The following KLRD1 variants were observed in gnomAD, a reference collection of about 807,000 sequenced individuals.
KLRD1 encodes the protein killer cell lectin like receptor D1.
A neutral mutation model predicts 22.6 loss-of-function variants in KLRD1; 21 were observed. That is an observed-to-expected ratio of 0.93 (90% CI 0.66 to 1.34). The LOEUF (loss-of-function observed/expected upper bound fraction) is 1.34, where lower values mean the gene tolerates loss of function less well. Ranked by LOEUF, KLRD1 falls within the 40% of genes most tolerant of loss-of-function variation. KLRD1 has a pLI of 0.00. For synonymous variants in KLRD1, 59 were observed against 71.1 expected, an observed-to-expected ratio of 0.83 and a Z score of 0.85; for missense variants, 183 against 208.6, an observed-to-expected ratio of 0.88 and a Z score of 0.76.
chr12:10,324,818 G>GTGTGTA lies in KLRD1; in HGVS notation c.*10026_*10027insGTGTAT, dbSNP rs750696767. On this transcript the variant is annotated 3_prime_UTR_variant, in exon 6 of 6. Transcript: ENST00000336164. The stretch of plus-strand genomic sequence containing the variant: ...AGTATATATGTATATGTGTGTGTGT[G>GTGTGTA]TATATATATATATATATATATATAT... 2.6e-4 allele frequency: 19 copies of GTGTGTA among 74,154 alleles called. No homozygotes were observed. The highest frequency in any genetic ancestry group is 8.1e-4 in the African/African-American group (19 of 23,590). 4.6% of individuals were successfully genotyped at this position (74,154 alleles called of 1,614,324 possible).
At chr12:10,258,127 G>C (rs1949416872) in intron 1 of KLRD1, among the ~76,000 whole-genome samples, 1 of 152,134 alleles carries the variant, frequency 6.6e-6, no homozygotes, top group Admixed American at 6.5e-5. Context: ...ATGACCTGGT[G>C]AATCTAGCTT....
chr12:10,286,794 C>T (rs1565459960), intron 1 of KLRD1, among the ~76,000 whole-genome samples: 1 of 150,126 alleles, frequency 6.7e-6, no homozygotes, highest in Non-Finnish European at 1.5e-5. Flanking sequence ...CAGGCATGAG[C>T]CACCGCATCT....
intron 1 of KLRD1, among the ~76,000 whole-genome samples, chr12:10,294,319 G>C (rs111665536): frequency 2.6e-5 from 4 of 152,174 alleles, no homozygotes; most frequent in African/African-American, 4.8e-5. Context: ...AGTATGAAGA[G>C]GAGTTACCAG....
intron 1 of KLRD1, among the ~76,000 whole-genome samples, chr12:10,254,321 T>C (rs1565448912): frequency 6.8e-6 from 1 of 147,442 alleles, no homozygotes; most frequent in East Asian, 2.1e-4. Context: ...CCAGCTACTC[T>C]GGAGGCTGAG....
intron 1 of KLRD1, among the ~76,000 whole-genome samples, chr12:10,283,337 T>C (rs1949664328): frequency 6.6e-6 from 1 of 152,080 alleles, no homozygotes; most frequent in Non-Finnish European, 1.5e-5. Flanking sequence ...ATAGTCTAAT[T>C]CATAGAAGCA....
chr12:10,310,458 G>A (rs567062191), intron 3 of KLRD1, among the ~76,000 whole-genome samples: 3 of 152,190 alleles, frequency 2.0e-5, no homozygotes, highest in African/African-American at 7.2e-5. Flanking sequence ...TTCGGAATGC[G>A]CCCCAAGTTG....
At chr12:10,266,734 A>T (rs1439074368) in intron 1 of KLRD1, among the ~76,000 whole-genome samples, 1 of 151,942 alleles carries the variant, frequency 6.6e-6, no homozygotes, top group African/African-American at 2.4e-5. Flanking sequence ...TTATTTGTAC[A>T]CAGGTGCATA....
At chr12:10,264,591 G>A (rs1456954488) in intron 1 of KLRD1, among the ~76,000 whole-genome samples, 1 of 151,864 alleles carries the variant, frequency 6.6e-6, no homozygotes, top group East Asian at 1.9e-4. Context: ...TGTATATTTA[G>A]GGTGTACAAT....
intron 1 of KLRD1, among the ~76,000 whole-genome samples, chr12:10,243,762 A>G (rs947413929): frequency 6.6e-6 from 1 of 152,120 alleles, no homozygotes; most frequent in South Asian, 2.1e-4. Context: ...GTGCAAATAA[A>G]GGTGTTATAA....
In KLRD1 at chr12:10,286,441, G is replaced by C. The variant is rs117286980; in HGVS notation, c.-100-21537G>C. Among the ~76,000 whole-genome samples, 627 of 152,020 alleles carry C rather than the reference G, an allele frequency of 4.1e-3. 3 individuals are homozygous for C. Among genetic ancestry groups the C allele is most frequent in the Non-Finnish European group, 7.4e-3 (506 of 67,986 alleles). ...AATAAACTATTTAGTTGCATTTTAC[G>C]TTTTACACATGATGGAAAAGAATCT... is the stretch of plus-strand genomic sequence containing the variant. On this transcript the variant is annotated intron_variant, in intron 1 of 5. Coordinates refer to the KLRD1 transcript ENST00000544747.
chr12:10,250,874 G>T (rs1949340306), intron 1 of KLRD1, among the ~76,000 whole-genome samples: 1 of 152,100 alleles, frequency 6.6e-6, no homozygotes, highest in Non-Finnish European at 1.5e-5. Context: ...CAGACCAGGA[G>T]AAAGTCTCAG....
At chr12:10,254,889 C>T (rs888799786) in intron 1 of KLRD1, among the ~76,000 whole-genome samples, 4 of 142,708 alleles carry the variant, frequency 2.8e-5, no homozygotes, top group Non-Finnish European at 3.1e-5. Context: ...CGAGATCAGT[C>T]TCAAAAATAA....
At chr12:10,300,985 G>T (rs1207507477), upstream of KLRD1, among the ~76,000 whole-genome samples, 1 of 152,110 alleles carries the variant, frequency 6.6e-6, no homozygotes, top group African/African-American at 2.4e-5. Flanking sequence ...AAAAGAGTTA[G>T]GGTTCTAGAT....
intron 1 of KLRD1, among the ~76,000 whole-genome samples, chr12:10,250,588 G>A (rs1168694510): frequency 6.6e-6 from 1 of 151,972 alleles, no homozygotes; most frequent in Non-Finnish European, 1.5e-5. Context: ...CTCCAGAGCA[G>A]CTGGGACTAC....
chr12:10,280,686 A>G (rs1042068487), intron 1 of KLRD1, among the ~76,000 whole-genome samples: 15 of 152,020 alleles, frequency 9.9e-5, no homozygotes, highest in Non-Finnish European at 2.1e-4. Context: ...CCAATGGTTG[A>G]AAACAGACAG....
chr12:10,292,431 G>A (rs79291180), intron 1 of KLRD1, among the ~76,000 whole-genome samples: 5,365 of 152,198 alleles, frequency 0.035, 327 homozygotes, highest in African/African-American at 0.12. Flanking sequence ...ACGGACTGCC[G>A]AATGGATATT....
At chr12:10,264,848 T>G (rs1235602212) in intron 1 of KLRD1, among the ~76,000 whole-genome samples, 1 of 152,128 alleles carries the variant, frequency 6.6e-6, no homozygotes, top group Non-Finnish European at 1.5e-5. Flanking sequence ...CCGATATCTC[T>G]CCATTTCTTC....
At chr12:10,296,373 G>A (rs761043992) in intron 1 of KLRD1, among the ~76,000 whole-genome samples, 8 of 151,978 alleles carry the variant, frequency 5.3e-5, no homozygotes, top group Non-Finnish European at 5.9e-5. Context: ...AAAATTAGCC[G>A]GGCGTGGTGG....
rs1394649934 is a variant in KLRD1, at chr12:10,327,966, A to C, written c.*13173A>C. ...TCTATTAATGTGGTATATTACATTA[A>C]TTGATTTTGTATGTTAGGCTATCCT... On this transcript the variant is annotated 3_prime_UTR_variant, in exon 6 of 6. Coordinates refer to ENST00000336164, the MANE Select transcript of KLRD1 (RefSeq NM_002262.5). The C allele has an allele frequency of 1.3e-5, 2 of 152,136 alleles. No homozygotes were observed. Among genetic ancestry groups the C allele is most frequent in the Admixed American group, 1.3e-4 (2 of 15,254 alleles). 9.4% of individuals were successfully genotyped at this position (152,136 alleles called of 1,614,324 possible).
Sources: allele counts gnomAD v4.1 joint callset (sites outside exome capture counted in the v4.1 genomes callset), GRCh38; gene constraint gnomAD v4.1.1; transcripts MANE v1.5; gene names NCBI Gene and HGNC (gene_info 2026-07-23, HGNC 2026-07-21).